TENM2: variants seen among roughly 807,000 people sequenced by gnomAD.
TENM2 encodes teneurin transmembrane protein 2.
Under a neutral mutation model 245.2 loss-of-function variants are expected in TENM2, and 52 were observed. The ratio of observed to expected loss-of-function variants is 0.21; its 90% CI spans 0.17 to 0.27. The LOEUF (loss-of-function observed/expected upper bound fraction) is 0.27. Ranked by LOEUF, TENM2 falls within the 10% of genes least tolerant of loss-of-function variation. The probability of loss-of-function intolerance (pLI) is 1.00; values close to 1 mark genes in which losing one functional copy is unlikely to be tolerated. For synonymous variants in TENM2, 1,363 were observed against 1,438.9 expected, an observed-to-expected ratio of 0.95 and a Z score of 1.19; for missense variants, 3,046 against 3,666.8, an observed-to-expected ratio of 0.83 and a Z score of 4.37.
At chr5:167,658,363 C>T (rs1229453917) in intron 2 of TENM2, among the ~76,000 whole-genome samples, 1 of 151,946 alleles carries the variant, frequency 6.6e-6, no homozygotes, top group Non-Finnish European at 1.5e-5. Context: ...CATGTGCCAC[C>T]GTGCCCAGCT....
At chr5:168,038,781 G>GC (rs1278485858) in intron 5 of TENM2, among the ~76,000 whole-genome samples, 1 of 151,984 alleles carries the variant, frequency 6.6e-6, no homozygotes, top group Non-Finnish European at 1.5e-5. Context: ...GGTTCCTAAG[G>GC]CCCCTCCTGG....
At chr5:167,124,953 T>C in the TENM2 span, among the ~76,000 whole-genome samples, 2 of 152,174 alleles carry the variant, frequency 1.3e-5, no homozygotes, top group Non-Finnish European at 2.9e-5. Context: ...GGTGGTGCTT[T>C]GAAAAATACG....
intron 2 of TENM2, among the ~76,000 whole-genome samples, chr5:167,683,614 A>G (rs1756883751): frequency 6.6e-6 from 1 of 152,210 alleles, no homozygotes; most frequent in Non-Finnish European, 1.5e-5. Flanking sequence ...CCCAAATAGC[A>G]TGGTTTCTTG....
intron 13 of TENM2, among the ~76,000 whole-genome samples, chr5:168,175,572 A>G (rs925186417): frequency 3.9e-5 from 6 of 152,208 alleles, no homozygotes; most frequent in Non-Finnish European, 8.8e-5. Flanking sequence ...CTGAGGGCCT[A>G]GAGGTTAACT....
chr5:167,368,804 C>G (rs144833442), intron 1 of TENM2, among the ~76,000 whole-genome samples: 2,455 of 152,180 alleles, frequency 0.016, 156 homozygotes, highest in Admixed American at 0.13. Context: ...CCCCTACCCC[C>G]ACCCCAGGCC....
At chr5:167,114,129 A>C in the TENM2 span, among the ~76,000 whole-genome samples, 1 of 152,192 alleles carries the variant, frequency 6.6e-6, no homozygotes. Context: ...ATCGATTTTC[A>C]GAAAGATCAT....
chr5:168,050,656 G>C (rs1043677952), intron 6 of TENM2, among the ~76,000 whole-genome samples: 2 of 152,162 alleles, frequency 1.3e-5, no homozygotes, highest in Admixed American at 6.5e-5. Context: ...CATCGATAGA[G>C]ATTTCATTAC....
rs1275361388 is a variant in TENM2 at position 168,182,687 on chromosome 5, G to A, written c.2570-7650G>A. On this transcript the variant is annotated intron_variant, in intron 13 of 28. Coordinates refer to ENST00000518659, the Ensembl canonical transcript of TENM2. ...CTCAGCGGGCCCTGAGCTTTGGGATGACTCCCTTGAAATTTTCTAAGTTGC... is the reference window on the plus strand; with the variant it reads ...CTCAGCGGGCCCTGAGCTTTGGGATAACTCCCTTGAAATTTTCTAAGTTGC... Among the ~76,000 whole-genome samples, 5 of 152,126 alleles carry A rather than the reference G, an allele frequency of 3.3e-5. No homozygotes were observed. The East Asian group carries it at 9.7e-4, about 29-fold the overall frequency.
the TENM2 span, among the ~76,000 whole-genome samples, chr5:167,247,119 A>G: frequency 6.6e-6 from 1 of 152,166 alleles, no homozygotes; most frequent in Admixed American, 6.6e-5. Context: ...ACCCTTTACA[A>G]GCACTGCCTT....
At chr5:167,513,855 A>G (rs544937145) in intron 2 of TENM2, among the ~76,000 whole-genome samples, 77 of 152,310 alleles carry the variant, frequency 5.1e-4, no homozygotes, top group Middle Eastern at 3.4e-3. Flanking sequence ...GTTGGCGAGC[A>G]GTCATCATCC....
intron 1 of TENM2, chr5:167,309,956 G>C (rs1755923282): frequency 6.6e-6 from 1 of 152,262 alleles, no homozygotes; most frequent in Non-Finnish European, 1.5e-5. Flanking sequence ...GTGTGAACTA[G>C]ATTACTAAAA....
intron 2 of TENM2, among the ~76,000 whole-genome samples, chr5:167,456,436 AATT>A (rs1765926166): frequency 6.6e-6 from 1 of 152,140 alleles, no homozygotes; most frequent in South Asian, 2.1e-4. Flanking sequence ...AAGCAAAAAT[AATT>A]ATCTTTACTA....
At chr5:167,649,709 T>G (rs1582650107) in intron 2 of TENM2, among the ~76,000 whole-genome samples, 2 of 152,278 alleles carry the variant, frequency 1.3e-5, no homozygotes, top group Admixed American at 1.3e-4. Flanking sequence ...TTACTCAGAC[T>G]GTCATCATTG....
the TENM2 span, among the ~76,000 whole-genome samples, chr5:167,243,069 G>A: frequency 1.3e-5 from 2 of 151,800 alleles, no homozygotes; most frequent in African/African-American, 4.8e-5. Context: ...GGAAAAGATG[G>A]GTGTAGACAC....
intron 27 of TENM2, among the ~76,000 whole-genome samples, chr5:168,255,148 C>T (rs564781662): frequency 2.0e-5 from 3 of 152,042 alleles, no homozygotes; most frequent in South Asian, 2.1e-4. Flanking sequence ...AAAGATGGGA[C>T]GATTTGATGT....
intron 2 of TENM2, among the ~76,000 whole-genome samples, chr5:167,709,595 G>A (rs1434506619): frequency 2.6e-5 from 4 of 152,208 alleles, no homozygotes; most frequent in African/African-American, 9.6e-5. Flanking sequence ...AGGAGTGAAT[G>A]GAGAACTGAC....
intron 2 of TENM2, among the ~76,000 whole-genome samples, chr5:167,514,193 G>C (rs1770156321): frequency 6.6e-6 from 1 of 152,094 alleles, no homozygotes; most frequent in African/African-American, 2.4e-5. Flanking sequence ...ATCAATCCAT[G>C]TTTACTACCT....
chr5:168,160,689 AC>A (rs1757670009), intron 12 of TENM2, among the ~76,000 whole-genome samples: 1 of 152,144 alleles, frequency 6.6e-6, no homozygotes, highest in South Asian at 2.1e-4. Flanking sequence ...TTAATTGTAT[AC>A]CCTTGAGACC....
chr5:167,903,269 CAA>C (rs1344187040), intron 3 of TENM2, among the ~76,000 whole-genome samples: 1 of 152,090 alleles, frequency 6.6e-6, no homozygotes, highest in Non-Finnish European at 1.5e-5. Flanking sequence ...ATTGTGAGCT[CAA>C]GAGTACCCAA....
Sources: allele counts gnomAD v4.1 joint callset (sites outside exome capture counted in the v4.1 genomes callset), GRCh38; gene constraint gnomAD v4.1.1; transcripts MANE v1.5; gene names NCBI Gene and HGNC (gene_info 2026-07-23, HGNC 2026-07-21).